Variants in VEPH1 observed in about 807,000 individuals in gnomAD.
The protein encoded by VEPH1 is ventricular zone expressed PH domain containing 1, also known as ventricular zone-expressed PH domain-containing protein homolog 1.
A neutral mutation model predicts 85.2 loss-of-function variants in VEPH1; 80 were observed. The observed-to-expected ratio is 0.94, with a 90% CI of 0.78 to 1.13. The LOEUF (loss-of-function observed/expected upper bound fraction) is 1.13. VEPH1 is among the 50% of genes most tolerant of loss of function. The probability of loss-of-function intolerance (pLI) is 0.00; values close to 1 mark genes in which losing one functional copy is unlikely to be tolerated. For synonymous variants in VEPH1, 297 were observed against 348.0 expected, an observed-to-expected ratio of 0.85 and a Z score of 1.63; for missense variants, 955 against 980.5, an observed-to-expected ratio of 0.97 and a Z score of 0.35.
chr3:157,495,561 G>T, intron 1 of VEPH1, 55 bp from the exon 2 acceptor site: 1 of 1,191,136 alleles, frequency 8.4e-7, no homozygotes, highest in Non-Finnish European at 1.1e-6. Context: ...CATAAGCTCA[G>T]AATGTGAACT....
intron 3 of VEPH1, among the ~76,000 whole-genome samples, chr3:157,468,949 T>C (rs1016484483): frequency 3.3e-5 from 5 of 152,290 alleles, no homozygotes; most frequent in Middle Eastern, 3.4e-3. Context: ...TTGCATTAGA[T>C]TTCTATTCGA....
At chr3:157,282,868 T>A (rs1462903955) in intron 12 of VEPH1, among the ~76,000 whole-genome samples, 2 of 152,226 alleles carry the variant, frequency 1.3e-5, no homozygotes, top group East Asian at 1.9e-4. Flanking sequence ...TCATGTGGAA[T>A]AACAAGATCT....
chr3:157,264,641 AATC>A (rs1713371495), intron 13 of VEPH1, among the ~76,000 whole-genome samples: 1 of 152,158 alleles, frequency 6.6e-6, no homozygotes, highest in Non-Finnish European at 1.5e-5. Context: ...TGGACAATCC[AATC>A]AGTTTCTTTG....
chr3:157,342,882 A>G (rs1239791103), intron 9 of VEPH1, among the ~76,000 whole-genome samples: 1 of 152,174 alleles, frequency 6.6e-6, no homozygotes, highest in East Asian at 1.9e-4. Flanking sequence ...CTCACTAAAA[A>G]CCACTCAACT....
At position 157,307,878 on chromosome 3, in the gene VEPH1, T is replaced by C. The variant is rs138721793; in HGVS notation, c.2010+5743A>G. Among the ~76,000 whole-genome samples, 965 of 151,854 alleles carry C rather than the reference T, an allele frequency of 6.4e-3. 6 individuals carry two copies. Among genetic ancestry groups the C allele is most frequent in the Admixed American group, 0.011 (174 of 15,276 alleles). On this transcript the variant is annotated intron_variant, in intron 11 of 13. Coordinates refer to ENST00000362010, the MANE Select transcript of VEPH1 (RefSeq NM_001167912.2). ...TTCAGGTCTTTAAAATTTTTTTCAT[T>C]AATATTAAAAAATTTTTTATCATTA...
At chr3:157,328,565 G>A (rs369543547) in intron 9 of VEPH1, among the ~76,000 whole-genome samples, 1 of 152,302 alleles carries the variant, frequency 6.6e-6, no homozygotes. Context: ...CAGGGCACAA[G>A]TAGAAGGTCC....
chr3:157,284,104 G>A (rs2108359456), intron 12 of VEPH1, among the ~76,000 whole-genome samples: 1 of 152,256 alleles, frequency 6.6e-6, no homozygotes, highest in African/African-American at 2.4e-5. Flanking sequence ...AATGCTTTGG[G>A]TATGGTATAG....
intron 6 of VEPH1, among the ~76,000 whole-genome samples, chr3:157,390,277 G>A (rs56982459): frequency 0.026 from 3,953 of 152,164 alleles, 190 homozygotes; most frequent in African/African-American, 0.091. Context: ...AATGAGTTAG[G>A]GTTACGATTA....
At chr3:157,306,842 AT>A (rs1214871377) in intron 11 of VEPH1, among the ~76,000 whole-genome samples, 1 of 152,008 alleles carries the variant, frequency 6.6e-6, no homozygotes, top group Admixed American at 6.6e-5. Flanking sequence ...TGTACCCAAT[AT>A]GTAGTTTTTT....
chr3:157,396,858 G>A (rs7629562), intron 6 of VEPH1, among the ~76,000 whole-genome samples: 12,822 of 151,852 alleles, frequency 0.084, 780 homozygotes, highest in African/African-American at 0.17. Context: ...TTTGTCAGAC[G>A]GATAGATTGC....
intron 9 of VEPH1, among the ~76,000 whole-genome samples, chr3:157,354,366 C>G (rs1178478695): frequency 6.6e-6 from 1 of 152,136 alleles, no homozygotes; most frequent in Non-Finnish European, 1.5e-5. Context: ...CTCATCCATC[C>G]ATTGGGTGAT....
intron 9 of VEPH1, among the ~76,000 whole-genome samples, chr3:157,337,272 TATTAA>T (rs1243947668): frequency 1.3e-5 from 2 of 152,128 alleles, no homozygotes; most frequent in Non-Finnish European, 2.9e-5. Flanking sequence ...TTTCTTTACA[TATTAA>T]ATTAAGAAAA....
At chr3:157,329,979 T>A (rs1722331094) in intron 9 of VEPH1, among the ~76,000 whole-genome samples, 1 of 152,136 alleles carries the variant, frequency 6.6e-6, no homozygotes, top group Admixed American at 6.5e-5. Context: ...AAATTTGCCT[T>A]GTGGAGGAAT....
chr3:157,476,809 C>T lies in VEPH1; in HGVS notation c.139-6280G>A, dbSNP rs569735828. Among the ~76,000 whole-genome samples the T allele has an allele frequency of 1.3e-4, 20 of 152,328 alleles. No individual in the cohort carries two copies. The South Asian group carries it at 4.1e-3, about 32-fold the overall frequency. ...ATGCCCATTAGAAGACAGTAGGCTG[C>T]TGTTACACAATGGAGATATCTCTTG... On this transcript the variant is annotated intron_variant, in intron 2 of 13. Coordinates refer to ENST00000362010, the MANE Select transcript of VEPH1 (RefSeq NM_001167912.2).
Position 157,363,691 on chromosome 3 carries a change from T to C in VEPH1, c.1408A>G (p.Arg470Gly), listed in dbSNP as rs760943328. The C allele has an allele frequency of 3.1e-6, 5 of 1,614,164 alleles. No homozygotes were observed. Among genetic ancestry groups the C allele is most frequent in the Non-Finnish European group, 4.2e-6 (5 of 1,180,026 alleles). Reference sequence around the variant, plus strand: ...GAGATGCTGGCTGGTATGTCTCCCCTGTTTTCATCTTCGCCGTCATCTGAA... The same window carrying C: ...GAGATGCTGGCTGGTATGTCTCCCCCGTTTTCATCTTCGCCGTCATCTGAA... ...VGSDDGEDEN[R>G]GDIPASISLS... Residue 470 changes from arginine to glycine, a missense_variant, in exon 9 of 14, where the codon AGG becomes GGG. Arg to Gly is a moderately radical substitution (Grantham distance 125). Coordinates refer to ENST00000362010, the MANE Select transcript of VEPH1 (RefSeq NM_001167912.2).
chr3:157,418,032 T>C (rs1302660626), intron 5 of VEPH1, among the ~76,000 whole-genome samples: 1 of 152,114 alleles, frequency 6.6e-6, no homozygotes, highest in Non-Finnish European at 1.5e-5. Context: ...CTCAAGAATA[T>C]GGGGTCAACT....
chr3:157,493,277 C>G (rs1387191109), intron 2 of VEPH1: 2 of 456,308 alleles, frequency 4.4e-6, no homozygotes, highest in Non-Finnish European at 8.8e-6. Flanking sequence ...TAGACGATCC[C>G]TTCCTGTTCT....
At chr3:157,362,113 C>A (rs897319629) in intron 9 of VEPH1, among the ~76,000 whole-genome samples, 58 of 152,088 alleles carry the variant, frequency 3.8e-4, no homozygotes, top group African/African-American at 1.4e-3. Flanking sequence ...TCACTGCAAC[C>A]TCCACCTCTC....
intron 11 of VEPH1, among the ~76,000 whole-genome samples, chr3:157,299,926 A>C (rs1445102597): frequency 6.6e-6 from 1 of 152,158 alleles, no homozygotes; most frequent in Non-Finnish European, 1.5e-5. Context: ...CATGGACTTT[A>C]CATGTATTAT....
Sources: gnomAD v4.1 joint callset for allele counts (sites outside exome capture counted in the v4.1 genomes callset) on GRCh38, gnomAD v4.1.1 for gene constraint, MANE v1.5 for transcripts, NCBI Gene and HGNC (gene_info 2026-07-23, HGNC 2026-07-21) for gene names.